Variants in CRTAC1 observed in about 807,000 individuals in gnomAD.
CRTAC1 encodes cartilage acidic protein 1.
A neutral mutation model predicts 67.8 loss-of-function variants in CRTAC1; 37 were observed. The observed-to-expected ratio is 0.55, with a 90% confidence interval of 0.42 to 0.72. The LOEUF (loss-of-function observed/expected upper bound fraction) is 0.72, where lower values mean the gene tolerates loss of function less well. Ranked by LOEUF, CRTAC1 falls within the 30% of genes least tolerant of loss-of-function variation. The probability of loss-of-function intolerance (pLI) is 0.00; values close to 1 mark genes in which losing one functional copy is unlikely to be tolerated. For missense variants in CRTAC1, 780 were observed against 931.6 expected, an observed-to-expected ratio of 0.84 and a Z score of 2.12; for synonymous variants, 348 against 371.0, an observed-to-expected ratio of 0.94 and a Z score of 0.71.
chr10:97,915,931 C>T (rs1227281298), intron 5 of CRTAC1, among the ~76,000 whole-genome samples: 1 of 152,074 alleles, frequency 6.6e-6, no homozygotes, highest in African/African-American at 2.4e-5. Flanking sequence ...CCAGCCCAGC[C>T]GGCACAGTTG....
chr10:98,009,571 T>C (rs529033726), intron 2 of CRTAC1, among the ~76,000 whole-genome samples: 1 of 152,328 alleles, frequency 6.6e-6, no homozygotes, highest in South Asian at 2.1e-4. Flanking sequence ...CTGTGTAAAG[T>C]AAATTGCATA....
intron 2 of CRTAC1, among the ~76,000 whole-genome samples, chr10:97,982,146 TA>T (rs2051902012): frequency 6.6e-6 from 1 of 152,196 alleles, no homozygotes; most frequent in African/African-American, 2.4e-5. Flanking sequence ...TCTGATTTCA[TA>T]AAAGCTTCTG....
chr10:97,873,914 C>T (rs1321077477), intron 14 of CRTAC1, among the ~76,000 whole-genome samples: 3 of 152,198 alleles, frequency 2.0e-5, no homozygotes, highest in Admixed American at 6.5e-5. Flanking sequence ...TATTTAATCC[C>T]AGCTGAGTTC....
chr10:97,927,018 A>G (rs556588009), intron 3 of CRTAC1, among the ~76,000 whole-genome samples: 2 of 152,310 alleles, frequency 1.3e-5, no homozygotes, highest in South Asian at 4.2e-4. Flanking sequence ...ACTCCACTGA[A>G]GCCTGGGCCA....
rs567802391 is a variant in CRTAC1 at position 97,892,254 on chromosome 10, C to A, written c.1486+2991G>T. Among the ~76,000 whole-genome samples, 118 of 152,332 alleles carry A rather than the reference C, an allele frequency of 7.7e-4. 1 individual carries two copies. Among genetic ancestry groups the A allele is most frequent in the Non-Finnish European group, 1.3e-3 (90 of 68,038 alleles). ...GGGACCAAGTGAGGCCCCTAATACACCTCTTAAAATAGCAGAGGCTGCCCC... is the reference window on the plus strand; with the variant it reads ...GGGACCAAGTGAGGCCCCTAATACAACTCTTAAAATAGCAGAGGCTGCCCC... On this transcript the variant is annotated intron_variant, in intron 11 of 14. Transcript: ENST00000370597.
chr10:98,005,096 A>ATT (rs1247445698), intron 2 of CRTAC1, among the ~76,000 whole-genome samples: 36 of 33,006 alleles, frequency 1.1e-3, no homozygotes, highest in African/African-American at 2.9e-3. Flanking sequence ...ATATATATAT[A>ATT]TATATTTTTT....
chr10:97,881,947 A>G (rs681076), intron 13 of CRTAC1, among the ~76,000 whole-genome samples: 150,774 of 152,258 alleles, frequency 0.99, 74,673 homozygotes, highest in Middle Eastern at 1. Context: ...CTGCTTTGTC[A>G]TCTCCAAGCC....
At chr10:97,905,612 A>T (rs1392105769) in intron 6 of CRTAC1, among the ~76,000 whole-genome samples, 2 of 152,214 alleles carry the variant, frequency 1.3e-5, no homozygotes, top group Non-Finnish European at 2.9e-5. Flanking sequence ...CATGAGGTCA[A>T]GACTCTCTTC....
Position 97,895,533 on chromosome 10 carries a change from C to G in CRTAC1, c.1318-120G>C. On this transcript the variant is annotated intron_variant, in intron 10 of 14. Transcript: ENST00000370597. The surrounding 1 kb of genome is among the most constrained non-coding windows in gnomAD (Gnocchi z 4.2). ...AGAAGGAGGAAGAGAAGAAAGCAGG[C>G]AGAGGAAAAAGATAGAAACAGGAAG... The G allele has an allele frequency of 1.1e-6, 1 of 910,096 alleles. No homozygotes were observed. Among genetic ancestry groups the G allele is most frequent in the Non-Finnish European group, 1.6e-6 (1 of 608,564 alleles). The allele number at this position is 910,096 out of a possible 1,614,324, so 56.4% of individuals were successfully genotyped here.
At chr10:98,019,923 C>T (rs999654280) in intron 1 of CRTAC1, among the ~76,000 whole-genome samples, 3 of 152,182 alleles carry the variant, frequency 2.0e-5, no homozygotes, top group Non-Finnish European at 4.4e-5. Flanking sequence ...GGATGCTATT[C>T]GCTGGGCCCC....
rs2050192721 is a variant in CRTAC1 at position 97,880,139 on chromosome 10, C to T, written c.1819+110G>A. The T allele has an allele frequency of 9.2e-6, 12 of 1,309,284 alleles. No homozygotes were observed. The South Asian group carries it at 1.5e-4, about 16-fold the overall frequency. The allele number at this position is 1,309,284 out of a possible 1,614,324, so 81.1% of individuals were successfully genotyped here. A position where few individuals can be genotyped will look rare whatever the true frequency, so the allele number is the denominator to read the frequency against. On this transcript the variant is annotated intron_variant, in intron 14 of 14. Transcript: ENST00000370597. ...CAATATGGGTCAAAGGAGACTCTATCCAGCCAGGAGAAGGAAGGGGCTGGG... is the reference window on the plus strand; with the variant it reads ...CAATATGGGTCAAAGGAGACTCTATTCAGCCAGGAGAAGGAAGGGGCTGGG...
intron 5 of CRTAC1, among the ~76,000 whole-genome samples, chr10:97,909,558 T>A (rs572409374): frequency 6.6e-6 from 1 of 152,112 alleles, no homozygotes; most frequent in Non-Finnish European, 1.5e-5. Context: ...AGACTACATG[T>A]GTTGGCAAGG....
rs536247368 is a variant in CRTAC1, at chr10:97,942,870, C to A, written c.225-6504G>T. 2.6e-5 allele frequency among the ~76,000 whole-genome samples: 4 copies of A among 151,732 alleles called. No homozygotes were observed. In the South Asian group the frequency reaches 8.3e-4, roughly 32 times the overall value. ...TCCCTTGAGCCCAGGTGGTTGAGAC[C>A]AGCCTGGGCAACATAGTGACACCTG... On this transcript the variant is annotated intron_variant, in intron 2 of 14. Transcript: ENST00000370597.
intron 2 of CRTAC1, among the ~76,000 whole-genome samples, chr10:97,936,571 C>T (rs546463773): frequency 3.3e-5 from 5 of 152,226 alleles, no homozygotes; most frequent in South Asian, 4.1e-4. Context: ...TGCGCCCGGG[C>T]GCAGTGAGAG....
intron 4 of CRTAC1, among the ~76,000 whole-genome samples, chr10:97,922,095 G>T (rs891940476): frequency 6.6e-6 from 1 of 152,010 alleles, no homozygotes; most frequent in Non-Finnish European, 1.5e-5. Flanking sequence ...ATGGGAAACC[G>T]GGAGGAGGCT....
chr10:97,977,614 A>G (rs1456869645), intron 2 of CRTAC1, among the ~76,000 whole-genome samples: 2 of 152,090 alleles, frequency 1.3e-5, no homozygotes, highest in African/African-American at 4.8e-5. Flanking sequence ...CAAATTTGAG[A>G]CTGGGAGAAC....
intron 5 of CRTAC1, among the ~76,000 whole-genome samples, chr10:97,914,790 AG>A (rs1325298124): frequency 1.3e-5 from 2 of 152,064 alleles, no homozygotes; most frequent in East Asian, 3.9e-4. Flanking sequence ...CGGCTTCAAG[AG>A]GCCTCAAGCA....
rs375102264 is a variant in CRTAC1, at chr10:97,865,525, G to T, written c.*23C>A. 2 of 1,588,114 alleles carry T rather than the reference G, an allele frequency of 1.3e-6. No individual in the cohort carries two copies. The highest frequency in any genetic ancestry group is 1.1e-5 in the South Asian group (1 of 87,618). ...CCCACTCCCCTGCTGGACTCCATCC[G>T]CTGGTTCATGTCCCACCCCTGCTCA... On this transcript the variant is annotated 3_prime_UTR_variant, in exon 15 of 15. Coordinates refer to ENST00000370597, the MANE Select transcript of CRTAC1 (RefSeq NM_018058.7).
intron 6 of CRTAC1, 105 bp from the exon 7 acceptor site, chr10:97,904,919 A>C: frequency 1.5e-4 from 192 of 1,318,116 alleles, no homozygotes; most frequent in Middle Eastern, 2.3e-4. Context: ...GGTGACTCTC[A>C]TCTTGTTCCC....
Sources: gnomAD v4.1 joint callset for allele counts (sites outside exome capture counted in the v4.1 genomes callset) on GRCh38, gnomAD v4.1.1 for gene constraint, Gnocchi (gnomAD v3.1) non-coding constraint, MANE v1.5 for transcripts, NCBI Gene and HGNC (gene_info 2026-07-23, HGNC 2026-07-21) for gene names.